The following COBLL1 variants were observed in gnomAD, a reference collection of about 807,000 sequenced individuals.
COBLL1 encodes the protein cordon-bleu protein-like 1.
COBLL1 carries 50 observed loss-of-function variants against 94.8 expected under a neutral mutation model. The ratio of observed to expected loss-of-function variants is 0.53; its 90% CI spans 0.42 to 0.67. The LOEUF (loss-of-function observed/expected upper bound fraction) is 0.67. Ranked by LOEUF, COBLL1 falls within the 30% of genes least tolerant of loss-of-function variation. The probability of loss-of-function intolerance (pLI) is 0.00; values close to 1 mark genes in which losing one functional copy is unlikely to be tolerated. For synonymous variants in COBLL1, 448 were observed against 473.8 expected (o/e 0.95, Z 0.71); for missense variants, 1,362 against 1,348.7 (o/e 1.01, Z -0.15).
At chr2:164,694,020 T>G (rs550503345) in intron 12 of COBLL1, among the ~76,000 whole-genome samples, 2 of 152,136 alleles carry the variant, frequency 1.3e-5, no homozygotes, top group East Asian at 3.9e-4. Flanking sequence ...CAAAGAAACT[T>G]TAAAACATTT....
intron 2 of COBLL1, among the ~76,000 whole-genome samples, chr2:164,750,373 A>G (rs993196016): frequency 1.3e-5 from 2 of 152,188 alleles, no homozygotes; most frequent in Non-Finnish European, 2.9e-5. Flanking sequence ...TCCAGCAGGC[A>G]TACTTTAATT....
At chr2:164,740,023 G>C (rs189350785) in intron 3 of COBLL1, among the ~76,000 whole-genome samples, 1 of 152,154 alleles carries the variant, frequency 6.6e-6, no homozygotes, top group East Asian at 1.9e-4. Flanking sequence ...ACACTCCTAA[G>C]ATATTCAGAA....
chr2:164,782,618 C>T (rs113210370), intron 2 of COBLL1, among the ~76,000 whole-genome samples: 121 of 152,198 alleles, frequency 8.0e-4, no homozygotes, highest in African/African-American at 2.6e-3. Flanking sequence ...CAACACTGTA[C>T]ATGTACTAAC....
intron 2 of COBLL1, among the ~76,000 whole-genome samples, chr2:164,661,636 T>C (rs866895274): frequency 2.0e-4 from 30 of 152,264 alleles, no homozygotes; most frequent in African/African-American, 6.7e-4. Context: ...CCAGTGTGTA[T>C]TAATGTAGAT....
intron 7 of COBLL1, among the ~76,000 whole-genome samples, chr2:164,706,916 G>A (rs80165581): frequency 0.031 from 4,698 of 152,186 alleles, 83 homozygotes; most frequent in East Asian, 0.06. Context: ...CCCACTAATA[G>A]TTCCCTTTAT....
intron 9 of COBLL1, among the ~76,000 whole-genome samples, chr2:164,702,289 CGTGGTGGCTCACGCCT>C (rs1684323807): frequency 6.6e-6 from 1 of 151,846 alleles, no homozygotes; most frequent in Non-Finnish European, 1.5e-5. Flanking sequence ...CTAGGCTGGG[CGTGGTGGCTCACGCCT>C]GTAATCCCAG....
rs1684497502 is a variant in COBLL1, at chr2:164,704,823, C to G, written c.1150+129G>C. On this transcript the variant is annotated intron_variant, in intron 8 of 13. Transcript: ENST00000652658. The stretch of plus-strand genomic sequence containing the variant: ...ATTTTTAAACGGCAGCAAAGTGAGA[C>G]TAATCAAGATGTATTTAAAAAGCCT... 14 of 1,008,124 alleles carry G rather than the reference C, an allele frequency of 1.4e-5. No individual in the cohort carries two copies. The South Asian group carries it at 2.5e-4, about 18-fold the overall frequency. The allele number at this position is 1,008,124 out of a possible 1,614,324, so 62.4% of individuals were successfully genotyped here. A position where few individuals can be genotyped will look rare whatever the true frequency, so the allele number is the denominator to read the frequency against.
intron 2 of COBLL1, among the ~76,000 whole-genome samples, chr2:164,825,429 G>A (rs1030118057): frequency 2.0e-5 from 3 of 151,910 alleles, no homozygotes; most frequent in Non-Finnish European, 4.4e-5. Flanking sequence ...TTTCCATTAC[G>A]TTTACTTAGG....
chr2:164,758,343 T>TAA (rs1687510844), intron 2 of COBLL1, among the ~76,000 whole-genome samples: 1 of 151,946 alleles, frequency 6.6e-6, no homozygotes, highest in Admixed American at 6.6e-5. Context: ...TTTATATATA[T>TAA]AATCCCCTAA....
chr2:164,709,864 G>A (rs1574451649), intron 7 of COBLL1, among the ~76,000 whole-genome samples: 4 of 152,260 alleles, frequency 2.6e-5, no homozygotes, highest in South Asian at 4.1e-4. Flanking sequence ...TAAAGTTGAG[G>A]ACAAAATGTA....
At position 164,695,126 on chromosome 2, in the gene COBLL1, T is replaced by C. The variant is rs2105430879; in HGVS notation, c.2266A>G (p.Lys756Glu). Residue 756 changes from lysine to glutamate, a missense_variant, in exon 12 of 14, where the codon AAA (lysine) becomes GAA (glutamate). Lys to Glu is a moderately conservative substitution (Grantham distance 56). Coordinates refer to ENST00000652658, the MANE Select transcript of COBLL1 (RefSeq NM_001365672.2). ...AAAGCATGCATGTCCTGATCATCTT[T>C]ATACTCTATGGTTTCTGATTGCCAG... ...KDWQSETIEYKDDQDMHALGK... is the reference protein window; with the variant it reads ...KDWQSETIEYEDDQDMHALGK... 1.2e-6 allele frequency: 2 copies of C among 1,614,004 alleles called. No individual in the cohort carries two copies. The highest frequency in any genetic ancestry group is 2.2e-5 in the East Asian group (1 of 44,862).
chr2:164,722,349 A>G, intron 6 of COBLL1, 38 bp from the exon 7 acceptor site: 1 of 1,561,014 alleles, frequency 6.4e-7, no homozygotes, highest in Non-Finnish European at 8.8e-7. Context: ...TAGTAATTTC[A>G]AGATATTAGT....
intron 2 of COBLL1, among the ~76,000 whole-genome samples, chr2:164,805,313 CTCTCTCTCTCTCTCTCTCTCTCTCTA>C (rs1323100226): frequency 0.021 from 759 of 35,568 alleles, 59 homozygotes; most frequent in Non-Finnish European, 0.032. Flanking sequence ...CTCTCTCTCT[CTCTCTCTCTCTCTCTCTCTCTCTCTA>C]TATATATATA....
intron 2 of COBLL1, among the ~76,000 whole-genome samples, chr2:164,771,081 C>T (rs1433959251): frequency 3.3e-5 from 5 of 152,090 alleles, no homozygotes; most frequent in Middle Eastern, 3.4e-3. Context: ...TTGCCTTCTA[C>T]CACTTTTCTT....
chr2:164,837,514 G>A lies in COBLL1; in HGVS notation c.41+3642C>T, dbSNP rs201882904. 6.1e-5 allele frequency: 26 copies of A among 426,442 alleles called. No individual in the cohort carries two copies. In the East Asian group the frequency reaches 6.1e-4, roughly 10 times the overall value. 26.4% of individuals were successfully genotyped at this position (426,442 alleles called of 1,614,324 possible). On this transcript the variant is annotated intron_variant, in intron 2 of 13. Coordinates refer to ENST00000652658, the MANE Select transcript of COBLL1 (RefSeq NM_001365672.2). ...TTTTTGCTCTCTGCAAAAAAAAAACGCAAACCAACCTAGGATTTCCACTTC... is the reference window on the plus strand; with the variant it reads ...TTTTTGCTCTCTGCAAAAAAAAAACACAAACCAACCTAGGATTTCCACTTC...
At chr2:164,721,467 T>A (rs13432915) in intron 7 of COBLL1, among the ~76,000 whole-genome samples, 96,855 of 152,080 alleles carry the variant, frequency 0.64, 32,212 homozygotes, top group African/African-American at 0.84. Flanking sequence ...ATTAAAGGTG[T>A]GTAATAGTAA....
intron 2 of COBLL1, among the ~76,000 whole-genome samples, chr2:164,793,697 C>G (rs1467692610): frequency 6.6e-6 from 1 of 152,050 alleles, no homozygotes; most frequent in African/African-American, 2.4e-5. Context: ...AACAGGTCCC[C>G]ATGGGACAAG....
At chr2:164,787,616 C>T (rs1196719878) in intron 2 of COBLL1, among the ~76,000 whole-genome samples, 1 of 152,090 alleles carries the variant, frequency 6.6e-6, no homozygotes, top group Non-Finnish European at 1.5e-5. Context: ...TACCTTTCCA[C>T]TCCTGCATCC....
At chr2:164,732,065 A>G (rs905648478) in intron 3 of COBLL1, among the ~76,000 whole-genome samples, 2 of 152,152 alleles carry the variant, frequency 1.3e-5, no homozygotes, top group Non-Finnish European at 2.9e-5. Context: ...TCCAATCTTT[A>G]TGGGATAAGG....
Sources: allele counts gnomAD v4.1 joint callset (sites outside exome capture counted in the v4.1 genomes callset), GRCh38; gene constraint gnomAD v4.1.1; transcripts MANE v1.5; gene names NCBI Gene and HGNC (gene_info 2026-07-23, HGNC 2026-07-21).